The following WDHD1 variants were observed in gnomAD, a reference collection of about 807,000 sequenced individuals.
WDHD1 encodes the protein WD repeat and HMG-box DNA binding protein 1.
In WDHD1, 111 loss-of-function variants were observed where a neutral mutation model predicts 135.4. The ratio of observed to expected loss-of-function variants is 0.82; its 90% CI spans 0.70 to 0.96. WDHD1 has a LOEUF of 0.96. WDHD1 is among the 40% of genes least tolerant of loss of function. WDHD1 has a pLI of 0.00. For missense variants in WDHD1, 1,351 were observed against 1,336.3 expected, an observed-to-expected ratio of 1.01 and a Z score of -0.17; for synonymous variants, 434 against 439.0, an observed-to-expected ratio of 0.99 and a Z score of 0.14.
chr14:54,968,742 G>T (rs890393957), intron 16 of WDHD1, among the ~76,000 whole-genome samples: 2 of 152,112 alleles, frequency 1.3e-5, no homozygotes, highest in Non-Finnish European at 2.9e-5. Context: ...ACACTTCTAT[G>T]TGCACAAACC....
intron 22 of WDHD1, 58 bp from the exon 23 acceptor site, chr14:54,957,262 G>C: frequency 6.6e-7 from 1 of 1,524,532 alleles, no homozygotes; most frequent in East Asian, 2.3e-5. Context: ...AAAATCCCAA[G>C]AGACTTATTT....
intron 24 of WDHD1, among the ~76,000 whole-genome samples, chr14:54,953,620 G>A (rs1351016781): frequency 2.0e-5 from 3 of 152,208 alleles, no homozygotes; most frequent in Middle Eastern, 3.4e-3. Context: ...TCCCATTACT[G>A]GGTATATACC....
chr14:54,954,816 G>A (rs1194195856), intron 24 of WDHD1, among the ~76,000 whole-genome samples: 4 of 152,034 alleles, frequency 2.6e-5, no homozygotes, highest in African/African-American at 9.7e-5. Flanking sequence ...TGCAATCTCC[G>A]CGTCCCGGGT....
chr14:54,952,276 T>C (rs2041070566), intron 24 of WDHD1, among the ~76,000 whole-genome samples: 2 of 152,240 alleles, frequency 1.3e-5, no homozygotes, highest in African/African-American at 2.4e-5. Flanking sequence ...CTTAAGCTGA[T>C]AGGGAACTTC....
At chr14:55,013,437 C>A in intron 3 of WDHD1, 48 bp downstream of exon 3, 2 of 1,287,294 alleles carry the variant, frequency 1.6e-6, no homozygotes, top group Admixed American at 1.7e-5. Flanking sequence ...GCATAAAAAT[C>A]ACATGCCAGT....
At chr14:54,946,994 G>C (rs766335932) in intron 24 of WDHD1, among the ~76,000 whole-genome samples, 31 of 151,740 alleles carry the variant, frequency 2.0e-4, no homozygotes, top group Non-Finnish European at 3.2e-4. Flanking sequence ...AGTGAGCTGA[G>C]ATTGCACCAG....
Position 54,989,031 on chromosome 14 carries a change from G to T in WDHD1, c.1523C>A (p.Ala508Glu). Residue 508 changes from alanine (A) to glutamate (E), a missense_variant, in exon 13 of 26, where the codon GCA becomes GAA. By Grantham distance (107) the Ala-to-Glu change is moderately radical (BLOSUM62 -1). Coordinates refer to ENST00000360586, the MANE Select transcript of WDHD1 (RefSeq NM_007086.4). ...TTCCTAATAATCTTGAGTTTACCTTGCTAGTTCATCAGTGCTTTCACATGC... is the reference window on the plus strand; with the variant it reads ...TTCCTAATAATCTTGAGTTTACCTTTCTAGTTCATCAGTGCTTTCACATGC... ...LLACESTDELASKLHCLHFSS... is the reference protein window; with the variant it reads ...LLACESTDELESKLHCLHFSS... 1 of 1,607,470 alleles carries T rather than the reference G, an allele frequency of 6.2e-7. No individual in the cohort carries two copies. Among genetic ancestry groups the T allele is most frequent in the Non-Finnish European group, 8.5e-7 (1 of 1,175,970 alleles).
At chr14:55,003,852 C>T (rs1442607021) in intron 7 of WDHD1, among the ~76,000 whole-genome samples, 1 of 152,146 alleles carries the variant, frequency 6.6e-6, no homozygotes. Context: ...GCGTGAGCCA[C>T]TGTGCCCAGC....
chr14:54,956,144 C>T (rs1000846395), intron 23 of WDHD1, among the ~76,000 whole-genome samples: 8 of 151,860 alleles, frequency 5.3e-5, no homozygotes, highest in South Asian at 2.1e-4. Context: ...ATGACTAATC[C>T]GGGATCAAAT....
In WDHD1 at chr14:55,015,658, A is replaced by G. The variant is rs537366948; in HGVS notation, c.78-2062T>C. Among the ~76,000 whole-genome samples the G allele has an allele frequency of 9.2e-5, 14 of 152,166 alleles. No individual in the cohort carries two copies. In the South Asian group the frequency reaches 2.7e-3, roughly 29 times the overall value. Reference sequence around the variant, plus strand: ...GGGATAGCTACTTCTTTCAGTCCCAATGGTGATGAGAGAAGTATTTCACGT... The same window carrying G: ...GGGATAGCTACTTCTTTCAGTCCCAGTGGTGATGAGAGAAGTATTTCACGT... On this transcript the variant is annotated intron_variant, in intron 2 of 25. Transcript: ENST00000360586.
At chr14:54,965,756 G>C (rs980866143) in intron 18 of WDHD1, among the ~76,000 whole-genome samples, 18 of 151,952 alleles carry the variant, frequency 1.2e-4, no homozygotes, top group Admixed American at 9.8e-4. Context: ...AGGAGTTCAA[G>C]ACCAGCCTGA....
chr14:55,010,478 G>A lies in WDHD1; in HGVS notation c.190-18C>T. On this transcript the variant is annotated intron_variant, in intron 3 of 25. Transcript: ENST00000360586. ...TTTCCACTCTAAAAGAAAAATTAAGGTAAGAAACATTAGCAAAACAAATCC... is the reference window on the plus strand; with the variant it reads ...TTTCCACTCTAAAAGAAAAATTAAGATAAGAAACATTAGCAAAACAAATCC... 6.5e-7 allele frequency: 1 copy of A among 1,537,858 alleles called. No homozygotes were observed.
intron 10 of WDHD1, among the ~76,000 whole-genome samples, chr14:54,998,632 T>A (rs539364117): frequency 0.02 from 1,499 of 74,032 alleles, 22 homozygotes; most frequent in African/African-American, 0.059. Context: ...CTAGTAGAAT[T>A]TTTTTTTTTC....
chr14:54,953,605 A>G (rs1315115326), intron 24 of WDHD1, among the ~76,000 whole-genome samples: 1 of 152,256 alleles, frequency 6.6e-6, no homozygotes. Context: ...CATTTGACCC[A>G]GCAATCCCAT....
intron 21 of WDHD1, among the ~76,000 whole-genome samples, chr14:54,959,710 G>A (rs904188052): frequency 8.6e-5 from 13 of 152,020 alleles, no homozygotes; most frequent in Admixed American, 2.0e-4. Flanking sequence ...CAAGGCTGTA[G>A]CGAGCTAGGA....
rs767400786 is a variant in WDHD1, at chr14:54,967,347, G to A, written c.2111C>T (p.Pro704Leu). The change falls in exon 17 of 26, where the codon CCT becomes CTT. Residue 704 changes from proline to leucine, a missense_variant. This residue lies in a region of WDHD1 where 1,330 missense variants were observed against 1,296.1 expected (regional missense o/e 1.03). Coordinates refer to ENST00000360586, the MANE Select transcript of WDHD1 (RefSeq NM_007086.4). ...GSRFPPTLPR[P>L]AVAILSFKLP... ...CTTAAAGGATAATATAGCAACAGCA[G>A]GGCGTGGAAGGGTTGGGGGAAACCG... 7.4e-6 allele frequency: 12 copies of A among 1,612,536 alleles called. No homozygotes were observed. The South Asian group carries it at 1.3e-4, about 18-fold the overall frequency.
chr14:54,987,753 A>C (rs1281187697), intron 13 of WDHD1, among the ~76,000 whole-genome samples: 1 of 152,082 alleles, frequency 6.6e-6, no homozygotes, highest in Non-Finnish European at 1.5e-5. Flanking sequence ...CAGCCTCCCG[A>C]GTAGCTGGGA....
intron 16 of WDHD1, among the ~76,000 whole-genome samples, chr14:54,974,535 G>C (rs1307863730): frequency 1.4e-5 from 2 of 146,152 alleles, no homozygotes; most frequent in African/African-American, 2.5e-5. Context: ...GTTTAAAAAT[G>C]CCAAAATAAT....
In WDHD1 at chr14:54,983,693, A is replaced by T. The variant is rs879772136; in HGVS notation, c.1906+1030T>A. On this transcript the variant is annotated intron_variant, in intron 15 of 25. Coordinates refer to ENST00000360586, the MANE Select transcript of WDHD1 (RefSeq NM_007086.4). ...TAATTTATTCCTTAAAAAAAAAAAAATTTTAAATAGAGATGGGATCTCACT... is the reference window on the plus strand; with the variant it reads ...TAATTTATTCCTTAAAAAAAAAAAATTTTTAAATAGAGATGGGATCTCACT... 2.5e-3 allele frequency among the ~76,000 whole-genome samples: 354 copies of T among 138,996 alleles called. 3 individuals carry two copies. The highest frequency in any genetic ancestry group is 4.1e-3 in the Non-Finnish European group (263 of 64,068). 91.2% of individuals were successfully genotyped at this position (138,996 alleles called of 152,430 possible).
Sources: allele counts gnomAD v4.1 joint callset (sites outside exome capture counted in the v4.1 genomes callset), GRCh38; gene constraint gnomAD v4.1.1; regional missense constraint gnomAD v4.1.1; transcripts MANE v1.5; gene names NCBI Gene and HGNC (gene_info 2026-07-23, HGNC 2026-07-21).